GRIA1: variants seen among roughly 807,000 people sequenced by gnomAD.
GRIA1 encodes the protein glutamate receptor 1.
GRIA1 carries 31 observed loss-of-function variants against 99.2 expected under a neutral mutation model. That is an observed-to-expected ratio of 0.31 (90% CI 0.23 to 0.42). The LOEUF (loss-of-function observed/expected upper bound fraction) is 0.42. GRIA1 is among the 10% of genes least tolerant of loss of function. The pLI, the probability that GRIA1 is intolerant of heterozygous loss-of-function variation, is 1.00. For missense variants in GRIA1, 782 were observed against 1,157.5 expected (o/e 0.68, Z 4.71); for synonymous variants, 438 against 432.4 (o/e 1.01, Z -0.16).
chr5:153,528,083 T>C (rs535107882), intron 2 of GRIA1, among the ~76,000 whole-genome samples: 1 of 152,330 alleles, frequency 6.6e-6, no homozygotes, highest in South Asian at 2.1e-4. Context: ...CCTGAGTGTT[T>C]ATGCTTGCGA....
At chr5:153,681,540 A>G (rs1490390354) in intron 7 of GRIA1, among the ~76,000 whole-genome samples, 2 of 152,198 alleles carry the variant, frequency 1.3e-5, no homozygotes, top group Non-Finnish European at 2.9e-5. Flanking sequence ...AAGGACTTGC[A>G]CATGTCACAT....
intron 2 of GRIA1, among the ~76,000 whole-genome samples, chr5:153,506,316 GGTGTGTGTGTGTGTGTGT>G (rs61220170): frequency 4.3e-5 from 6 of 140,416 alleles, no homozygotes; most frequent in Admixed American, 3.5e-4. Context: ...TGGCAAGAAG[GGTGTGTGTGTGTGTGTGT>G]GTGTGTGTGT....
At position 153,723,953 on chromosome 5, in the gene GRIA1, C is replaced by T. The variant is rs536483707; in HGVS notation, c.1823+17886C>T. Among the ~76,000 whole-genome samples the T allele has an allele frequency of 5.9e-5, 9 of 152,336 alleles. No individual in the cohort carries two copies. The South Asian group carries it at 1.7e-3, about 28-fold the overall frequency. The stretch of plus-strand genomic sequence containing the variant: ...GGCAGACTGCCTCCTCAAGTGAGTC[C>T]CTAACCCCTGACCCCCAAGCAGCCT... On this transcript the variant is annotated intron_variant, in intron 11 of 15. Transcript: ENST00000285900.
intron 13 of GRIA1, among the ~76,000 whole-genome samples, chr5:153,789,984 T>A (rs1313256431): frequency 6.6e-6 from 1 of 152,198 alleles, no homozygotes; most frequent in Non-Finnish European, 1.5e-5. Flanking sequence ...GAGTTGGAAA[T>A]TCTATTATCC....
chr5:153,719,530 G>A (rs1238578975), intron 11 of GRIA1, among the ~76,000 whole-genome samples: 1 of 151,904 alleles, frequency 6.6e-6, no homozygotes, highest in South Asian at 2.1e-4. Context: ...ATACCTACAC[G>A]TGCCCTCTCC....
At chr5:153,648,868 G>A (rs2963952) in intron 3 of GRIA1, among the ~76,000 whole-genome samples, 3 of 151,320 alleles carry the variant, frequency 2.0e-5, no homozygotes, top group Non-Finnish European at 2.9e-5. Context: ...TGTTGCAATC[G>A]CTAGAACCTG....
intron 14 of GRIA1, among the ~76,000 whole-genome samples, chr5:153,794,959 C>T (rs1765554813): frequency 6.6e-6 from 1 of 152,164 alleles, no homozygotes; most frequent in South Asian, 2.1e-4. Context: ...CCCCAGGACC[C>T]CAGCATCTGC....
At chr5:153,739,009 A>T (rs1761590308) in intron 11 of GRIA1, among the ~76,000 whole-genome samples, 1 of 150,830 alleles carries the variant, frequency 6.6e-6, no homozygotes, top group African/African-American at 2.4e-5. Context: ...GGTGTGAGCC[A>T]CCACACCTGG....
In GRIA1 at chr5:153,783,133, C is replaced by T. The variant is rs542715274; in HGVS notation, c.2271-11488C>T. Among the ~76,000 whole-genome samples the T allele has an allele frequency of 3.3e-5, 5 of 152,284 alleles. No individual in the cohort carries two copies. In the South Asian group the frequency reaches 1.0e-3, roughly 32 times the overall value. The stretch of plus-strand genomic sequence containing the variant: ...ATTGTGACCCTGTGTATTTAAAAGT[C>T]CACAAGAAAATAACGGACCTGCTGG... On this transcript the variant is annotated intron_variant, in intron 13 of 15. Coordinates refer to ENST00000285900, the MANE Select transcript of GRIA1 (RefSeq NM_000827.4).
intron 15 of GRIA1, among the ~76,000 whole-genome samples, chr5:153,808,267 A>C (rs1766572897): frequency 6.6e-6 from 1 of 151,978 alleles, no homozygotes; most frequent in African/African-American, 2.4e-5. Context: ...AAACACCACC[A>C]CCACCCTCAA....
chr5:153,764,155 T>G lies in GRIA1; in HGVS notation c.1824-279T>G, dbSNP rs1302481408. On this transcript the variant is annotated intron_variant, in intron 11 of 15. Coordinates refer to ENST00000285900, the MANE Select transcript of GRIA1 (RefSeq NM_000827.4). The stretch of plus-strand genomic sequence containing the variant: ...ATATCTGTGTCTTTGTCATCATGTG[T>G]CTTGCTGTTATATATGTGTAAAAGG... Among the ~76,000 whole-genome samples the G allele has an allele frequency of 1.3e-5, 2 of 152,232 alleles. 1 individual carries two copies. The highest frequency in any genetic ancestry group is 1.3e-4 in the Admixed American group (2 of 15,284).
At chr5:153,680,437 G>T (rs1195757074) in intron 7 of GRIA1, among the ~76,000 whole-genome samples, 1 of 152,130 alleles carries the variant, frequency 6.6e-6, no homozygotes, top group Non-Finnish European at 1.5e-5. Flanking sequence ...TAACATAGGG[G>T]AGGTAATAGG....
At chr5:153,602,527 T>C (rs1286600811) in intron 2 of GRIA1, among the ~76,000 whole-genome samples, 1 of 143,920 alleles carries the variant, frequency 6.9e-6, no homozygotes, top group Non-Finnish European at 1.5e-5. Context: ...ACTTAAAGTA[T>C]AATAATAATA....
At chr5:153,771,691 T>G (rs1325884483) in intron 13 of GRIA1, among the ~76,000 whole-genome samples, 1 of 152,216 alleles carries the variant, frequency 6.6e-6, no homozygotes, top group Non-Finnish European at 1.5e-5. Context: ...CTGGATAAGA[T>G]ATAACAAATA....
At chr5:153,708,502 C>T (rs1044702139) in intron 11 of GRIA1, among the ~76,000 whole-genome samples, 3 of 152,166 alleles carry the variant, frequency 2.0e-5, no homozygotes, top group Non-Finnish European at 4.4e-5. Context: ...CTACTCTATG[C>T]CTCTTTTTCA....
At chr5:153,764,146 C>A (rs1763359866) in intron 11 of GRIA1, among the ~76,000 whole-genome samples, 1 of 152,170 alleles carries the variant, frequency 6.6e-6, no homozygotes, top group South Asian at 2.1e-4. Flanking sequence ...GTGTCTTTGT[C>A]ATCATGTGTC....
intron 11 of GRIA1, among the ~76,000 whole-genome samples, chr5:153,731,094 G>T (rs942226888): frequency 1.3e-5 from 2 of 152,010 alleles, no homozygotes; most frequent in African/African-American, 4.8e-5. Flanking sequence ...ACCTTGATCA[G>T]ACTCTATCAC....
rs148008926 is a variant in GRIA1, at chr5:153,650,492, G to A, written c.623G>A (p.Arg208His). 4.3e-5 allele frequency: 69 copies of A among 1,613,776 alleles called. No individual in the cohort carries two copies. Among genetic ancestry groups the A allele is most frequent in the South Asian group, 2.9e-4 (26 of 91,062 alleles). Residue 208 changes from arginine to histidine, a missense_variant, in exon 4 of 16, where the codon CGC becomes CAC. By Grantham distance (29) the Arg-to-His change is conservative (BLOSUM62 0). Transcript: ENST00000285900. ...GTGGTGGTGGACTGTGAATCAGAACGCCTCAATGCTATCTTGGGCCAGGTA... is the reference window on the plus strand; with the variant it reads ...GTGGTGGTGGACTGTGAATCAGAACACCTCAATGCTATCTTGGGCCAGGTA... ...RLVVVDCESERLNAILGQIIK... is the reference protein window; with the variant it reads ...RLVVVDCESEHLNAILGQIIK...
intron 2 of GRIA1, among the ~76,000 whole-genome samples, chr5:153,622,749 AGTT>A (rs905450820): frequency 2.6e-5 from 4 of 152,158 alleles, no homozygotes; most frequent in African/African-American, 9.7e-5. Flanking sequence ...TTTTTCAGGT[AGTT>A]ACTCCACCAA....
Sources: allele counts gnomAD v4.1 joint callset (sites outside exome capture counted in the v4.1 genomes callset), GRCh38; gene constraint gnomAD v4.1.1; transcripts MANE v1.5; gene names NCBI Gene and HGNC (gene_info 2026-07-23, HGNC 2026-07-21).